Variants in PBX3 observed in about 807,000 individuals in gnomAD.
The protein encoded by PBX3 is pre-B-cell leukemia transcription factor 3.
A neutral mutation model predicts 48.5 loss-of-function variants in PBX3; 14 were observed. The ratio of observed to expected loss-of-function variants is 0.29; its 90% CI spans 0.19 to 0.45. PBX3 has a LOEUF of 0.45. Among genes scored for constraint, PBX3 ranks in the 20% least tolerant of loss-of-function variants. The pLI is 1.00. For missense variants in PBX3, 386 were observed against 546.7 expected (o/e 0.71, Z 2.93); for synonymous variants, 210 against 200.3 (o/e 1.05, Z -0.41).
chr9:125,813,113 T>C (rs1046523501), intron 2 of PBX3, among the ~76,000 whole-genome samples: 5 of 152,244 alleles, frequency 3.3e-5, no homozygotes, highest in Non-Finnish European at 7.3e-5. Context: ...CTTTTTACTA[T>C]ATAAACTTTA....
intron 2 of PBX3, among the ~76,000 whole-genome samples, chr9:125,874,698 C>G (rs539250562): frequency 1.3e-4 from 20 of 152,174 alleles, no homozygotes; most frequent in Non-Finnish European, 2.5e-4. Context: ...TAAGTGTTGG[C>G]AAGAATGAGG....
At chr9:125,797,771 T>C (rs1040500826) in intron 2 of PBX3, among the ~76,000 whole-genome samples, 2 of 152,146 alleles carry the variant, frequency 1.3e-5, no homozygotes, top group African/African-American at 2.4e-5. Flanking sequence ...ATTAGGTATT[T>C]AGACTTGTTC....
At chr9:125,889,806 G>A (rs1381311241) in intron 2 of PBX3, among the ~76,000 whole-genome samples, 2 of 148,818 alleles carry the variant, frequency 1.3e-5, no homozygotes, top group Non-Finnish European at 3.0e-5. Flanking sequence ...CGCGGGAGGG[G>A]GAGCCGGATC....
At chr9:125,797,493 A>T (rs1019083155) in intron 2 of PBX3, 1 of 152,150 alleles carries the variant, frequency 6.6e-6, no homozygotes, top group African/African-American at 2.4e-5. Context: ...CAGAAAATCA[A>T]ATCAACACAC....
At chr9:125,819,581 G>A (rs1285238286) in intron 2 of PBX3, among the ~76,000 whole-genome samples, 2 of 152,096 alleles carry the variant, frequency 1.3e-5, no homozygotes, top group African/African-American at 4.8e-5. Flanking sequence ...GAACTATATG[G>A]AAATGGGAAA....
At chr9:125,819,027 G>C (rs1010070998) in intron 2 of PBX3, among the ~76,000 whole-genome samples, 1 of 150,634 alleles carries the variant, frequency 6.6e-6, no homozygotes. Flanking sequence ...GTAGAGATGG[G>C]GTCTCACCAT....
At chr9:125,955,946 C>T (rs760682703) in intron 5 of PBX3, among the ~76,000 whole-genome samples, 18 of 152,186 alleles carry the variant, frequency 1.2e-4, no homozygotes, top group Non-Finnish European at 2.5e-4. Flanking sequence ...GTAAGCATTT[C>T]GCAGTTGGTT....
chr9:125,910,572 G>A (rs965975654), intron 2 of PBX3, among the ~76,000 whole-genome samples: 2 of 151,782 alleles, frequency 1.3e-5, no homozygotes, highest in African/African-American at 2.4e-5. Context: ...GCATTGCCGT[G>A]TTATATTTAA....
chr9:125,810,296 A>G (rs1838250121), intron 2 of PBX3, among the ~76,000 whole-genome samples: 1 of 152,100 alleles, frequency 6.6e-6, no homozygotes, highest in South Asian at 2.1e-4. Context: ...AGGGGCTTAC[A>G]ATTTAAAGAT....
At chr9:125,758,980 G>GC (rs1170062803) in intron 2 of PBX3, among the ~76,000 whole-genome samples, 1 of 152,160 alleles carries the variant, frequency 6.6e-6, no homozygotes, top group East Asian at 1.9e-4. Flanking sequence ...ACACTGAGAG[G>GC]TTAAGTAATT....
chr9:125,788,421 A>C (rs1463442299), intron 2 of PBX3, among the ~76,000 whole-genome samples: 3 of 152,222 alleles, frequency 2.0e-5, no homozygotes, highest in African/African-American at 7.2e-5. Context: ...TGGGCAAGAA[A>C]ATATCAGAAC....
At chr9:125,911,562 A>G (rs970228287) in intron 2 of PBX3, among the ~76,000 whole-genome samples, 1 of 152,190 alleles carries the variant, frequency 6.6e-6, no homozygotes, top group Non-Finnish European at 1.5e-5. Flanking sequence ...GCAGTCAAGA[A>G]TTCAGGGCCT....
chr9:125,899,978 C>T (rs1840903069), intron 2 of PBX3, among the ~76,000 whole-genome samples: 1 of 151,376 alleles, frequency 6.6e-6, no homozygotes, highest in Non-Finnish European at 1.5e-5. Flanking sequence ...GGAGATAACC[C>T]AAGGCAAATT....
chr9:125,852,588 T>C (rs1839612584), intron 2 of PBX3, among the ~76,000 whole-genome samples: 1 of 152,196 alleles, frequency 6.6e-6, no homozygotes, highest in Non-Finnish European at 1.5e-5. Context: ...TTTAGTACCA[T>C]TGCACATCAA....
At chr9:125,827,607 T>C (rs1362117750) in intron 2 of PBX3, among the ~76,000 whole-genome samples, 1 of 152,176 alleles carries the variant, frequency 6.6e-6, no homozygotes, top group Admixed American at 6.5e-5. Context: ...TGTAGCTTGA[T>C]TTTTTGCTCA....
Position 125,801,525 on chromosome 9 carries a change from A to T in PBX3, c.274+52902A>T, listed in dbSNP as rs1837944337. On this transcript the variant is annotated intron_variant, in intron 2 of 8. Transcript: ENST00000373489. ...GTTACCATAAATTTTTCCATTATTA[A>T]CCAAAGACCATAAAATTACAAACAC... 2.6e-5 allele frequency among the ~76,000 whole-genome samples: 4 copies of T among 152,308 alleles called. No homozygotes were observed. The South Asian group carries it at 8.3e-4, about 32-fold the overall frequency.
At chr9:125,915,601 T>G in intron 2 of PBX3, 85 bp from the exon 3 acceptor site, 1 of 1,024,978 alleles carries the variant, frequency 9.8e-7, no homozygotes, top group Non-Finnish European at 1.4e-6. Flanking sequence ...GTTTGATCAT[T>G]TTCTCGAATA....
intron 2 of PBX3, among the ~76,000 whole-genome samples, chr9:125,852,903 A>G (rs931357435): frequency 6.6e-6 from 1 of 152,202 alleles, no homozygotes; most frequent in African/African-American, 2.4e-5. Flanking sequence ...GTTAATTAGC[A>G]TACAATACTA....
intron 2 of PBX3, among the ~76,000 whole-genome samples, chr9:125,817,575 T>A (rs983269138): frequency 2.2e-4 from 34 of 152,224 alleles, no homozygotes; most frequent in African/African-American, 7.7e-4. Context: ...TCATTTATAA[T>A]ACACTTTGAT....
Sources: gnomAD v4.1 joint callset for allele counts (sites outside exome capture counted in the v4.1 genomes callset) on GRCh38, gnomAD v4.1.1 for gene constraint, MANE v1.5 for transcripts, NCBI Gene and HGNC (gene_info 2026-07-23, HGNC 2026-07-21) for gene names.